FYB1: variants seen among roughly 807,000 people sequenced by gnomAD.
The protein encoded by FYB1 is FYN binding protein 1.
In FYB1, 41 loss-of-function variants were observed where a neutral mutation model predicts 94.1. The ratio of observed to expected loss-of-function variants is 0.44; its 90% CI spans 0.34 to 0.57. The LOEUF is 0.57. Ranked by LOEUF, FYB1 falls within the 20% of genes least tolerant of loss-of-function variation. The pLI is 0.02. For missense variants in FYB1, 1,050 were observed against 976.8 expected, an observed-to-expected ratio of 1.07 and a Z score of -1.00; for synonymous variants, 367 against 353.2, an observed-to-expected ratio of 1.04 and a Z score of -0.44.
At chr5:39,172,590 C>T (rs929441822) in intron 2 of FYB1, among the ~76,000 whole-genome samples, 1 of 152,168 alleles carries the variant, frequency 6.6e-6, no homozygotes. Context: ...TGAGCCCACA[C>T]CTTCCTCCCT....
intron 1 of FYB1, among the ~76,000 whole-genome samples, chr5:39,266,815 C>A: frequency 6.6e-6 from 1 of 152,238 alleles, no homozygotes; most frequent in South Asian, 2.1e-4. Flanking sequence ...CTCATAGTGA[C>A]CATAGCAGAA....
intron 1 of FYB1, among the ~76,000 whole-genome samples, chr5:39,242,943 G>A (rs1751281831): frequency 6.6e-6 from 1 of 152,122 alleles, no homozygotes; most frequent in Non-Finnish European, 1.5e-5. Flanking sequence ...ATCTTCTTTT[G>A]AGAAGTGTCT....
chr5:39,134,181 T>A, intron 9 of FYB1, 27 bp downstream of exon 9: 1 of 1,538,622 alleles, frequency 6.5e-7, no homozygotes, highest in Non-Finnish European at 8.9e-7. Flanking sequence ...CAGTTTGATC[T>A]GTTCTACAAT....
chr5:39,231,260 T>G lies in FYB1; in HGVS notation c.-27-28273A>C, dbSNP rs998537138. 4.6e-5 allele frequency among the ~76,000 whole-genome samples: 7 copies of G among 152,076 alleles called. 1 individual carries two copies. The East Asian group carries it at 1.2e-3, about 25-fold the overall frequency. On this transcript the variant is annotated intron_variant, in intron 1 of 1. Coordinates refer to the FYB1 transcript ENST00000510188. ...ACCTTGGACAAGTCATGTCCCCATTTCCATCCTCAATTCCATGAATTCAAT... is the reference window on the plus strand; with the variant it reads ...ACCTTGGACAAGTCATGTCCCCATTGCCATCCTCAATTCCATGAATTCAAT...
intron 1 of FYB1, among the ~76,000 whole-genome samples, chr5:39,242,445 C>G (rs1323363076): frequency 6.6e-6 from 1 of 152,070 alleles, no homozygotes; most frequent in African/African-American, 2.4e-5. Context: ...CAGCTTCATC[C>G]ATGTCCCTAC....
rs4018945 is a variant in FYB1, at chr5:39,270,926, A to ATG, written c.-28+3475_-28+3476dup. On this transcript the variant is annotated intron_variant, in intron 1 of 1. Transcript: ENST00000510188. Reference sequence around the variant, plus strand: ...ATAACTTCTATATTTTTGGATACATATGTGTGTGTGTGTGTGTGTGTGTCT... The same window carrying ATG: ...ATAACTTCTATATTTTTGGATACATATGTGTGTGTGTGTGTGTGTGTGTGTCT... 96,579 of 165,870 alleles carry ATG rather than the reference A, an allele frequency of 0.58. 26,809 individuals are homozygous for ATG. Among genetic ancestry groups the ATG allele is most frequent in the Middle Eastern group, 0.67 (235 of 350 alleles). The allele number at this position is 165,870 out of a possible 1,614,324, so 10.3% of individuals were successfully genotyped here.
intron 2 of FYB1, among the ~76,000 whole-genome samples, chr5:39,156,967 T>C (rs1743819308): frequency 6.6e-6 from 1 of 152,210 alleles, no homozygotes; most frequent in African/African-American, 2.4e-5. Context: ...GGAATAATGA[T>C]ATTAAATAAT....
chr5:39,257,881 A>G (rs1454406316), intron 1 of FYB1, among the ~76,000 whole-genome samples: 2 of 152,022 alleles, frequency 1.3e-5, no homozygotes, highest in Non-Finnish European at 2.9e-5. Flanking sequence ...AAACAGCTGC[A>G]TACTTTAAAA....
intron 2 of FYB1, among the ~76,000 whole-genome samples, chr5:39,155,182 A>G (rs1208356552): frequency 1.3e-5 from 2 of 152,252 alleles, no homozygotes; most frequent in Non-Finnish European, 2.9e-5. Flanking sequence ...TGACACAAAC[A>G]CATTCCTAAT....
chr5:39,146,767 G>A (rs1049168252), intron 3 of FYB1, among the ~76,000 whole-genome samples: 5 of 151,960 alleles, frequency 3.3e-5, no homozygotes, highest in Non-Finnish European at 5.9e-5. Flanking sequence ...TTTTATTTAT[G>A]GACCCAAAAT....
At chr5:39,148,603 T>C (rs1002457481) in intron 3 of FYB1, among the ~76,000 whole-genome samples, 4 of 151,828 alleles carry the variant, frequency 2.6e-5, no homozygotes, top group Non-Finnish European at 5.9e-5. Context: ...ATCTGGCAGC[T>C]GGCTACTGAT....
At chr5:39,139,370 C>T in intron 4 of FYB1, 118 bp from the exon 5 acceptor site, 1 of 858,034 alleles carries the variant, frequency 1.2e-6, no homozygotes, top group Non-Finnish European at 1.6e-6. Context: ...AGAACTTATG[C>T]TTTATCAAAG....
chr5:39,156,115 G>A (rs758706156), intron 2 of FYB1, among the ~76,000 whole-genome samples: 1 of 152,162 alleles, frequency 6.6e-6, no homozygotes, highest in Non-Finnish European at 1.5e-5. Context: ...CCCTGGGAGA[G>A]TGACTTAAGG....
rs1427756925 is a variant in FYB1 at position 39,105,549 on chromosome 5, C to T, written c.*1894G>A. On this transcript the variant is annotated 3_prime_UTR_variant, in exon 19 of 19. Coordinates refer to ENST00000512982, the MANE Select transcript of FYB1 (RefSeq NM_001465.6). ...ATTACTGTCAGACTGCAATGCAAGT[C>T]TGCCCCAATGAAGGCAGGAGGAGGG... 4 of 152,106 alleles carry T rather than the reference C, an allele frequency of 2.6e-5. No homozygotes were observed. Among genetic ancestry groups the T allele is most frequent in the Non-Finnish European group, 4.4e-5 (3 of 68,028 alleles). The allele number at this position is 152,106 out of a possible 1,614,324, so 9.4% of individuals were successfully genotyped here.
At position 39,245,585 on chromosome 5, in the gene FYB1, G is replaced by C. The variant is rs1751438006; in HGVS notation, c.-28+28818C>G. Among the ~76,000 whole-genome samples, 8 of 149,230 alleles carry C rather than the reference G, an allele frequency of 5.4e-5. 1 individual carries two copies. The South Asian group carries it at 1.5e-3, about 28-fold the overall frequency. On this transcript the variant is annotated intron_variant, in intron 1 of 1. Transcript: ENST00000510188. ...TGGGTTGGATGTCCAGACAAGATGA[G>C]AAGGAAGAGGAAGAGGCTTTTTTTT...
intron 2 of FYB1, among the ~76,000 whole-genome samples, chr5:39,179,370 G>C (rs1037748390): frequency 6.6e-6 from 1 of 151,854 alleles, no homozygotes; most frequent in African/African-American, 2.4e-5. Flanking sequence ...CAAGAAAATG[G>C]GTAGAGTAAG....
chr5:39,147,357 C>T (rs1319726013), intron 3 of FYB1, among the ~76,000 whole-genome samples: 1 of 151,464 alleles, frequency 6.6e-6, no homozygotes, highest in African/African-American at 2.4e-5. Flanking sequence ...GCAGGCTGGA[C>T]CTCTCAGGCT....
intron 1 of FYB1, among the ~76,000 whole-genome samples, chr5:39,272,276 CA>C (rs1165641313): frequency 6.6e-6 from 1 of 152,100 alleles, no homozygotes; most frequent in Non-Finnish European, 1.5e-5. Context: ...GTGAACAGAT[CA>C]CCAGGCCAGC....
chr5:39,230,645 A>G (rs1750683964), intron 1 of FYB1, among the ~76,000 whole-genome samples: 1 of 152,036 alleles, frequency 6.6e-6, no homozygotes, highest in Admixed American at 6.6e-5. Flanking sequence ...ACATGCTTAC[A>G]GTCACTTTTT....
Sources: gnomAD v4.1 joint callset for allele counts (sites outside exome capture counted in the v4.1 genomes callset) on GRCh38, gnomAD v4.1.1 for gene constraint, MANE v1.5 for transcripts, NCBI Gene and HGNC (gene_info 2026-07-23, HGNC 2026-07-21) for gene names.